Variants in TBCA observed in about 807,000 individuals in gnomAD.
TBCA encodes tubulin-specific chaperone A.
Under a neutral mutation model 15.8 loss-of-function variants are expected in TBCA, and 6 were observed. That is an observed-to-expected ratio of 0.38 (90% confidence interval 0.21 to 0.75). The LOEUF is 0.75. Among genes scored for constraint, TBCA ranks in the 30% least tolerant of loss-of-function variants. The pLI is 0.46. For missense variants in TBCA, 90 were observed against 131.2 expected, an observed-to-expected ratio of 0.69 and a Z score of 1.53; for synonymous variants, 32 against 42.3, an observed-to-expected ratio of 0.76 and a Z score of 0.94.
chr5:77,768,244 A>C (rs1241996853), intron 1 of TBCA, among the ~76,000 whole-genome samples: 1 of 152,230 alleles, frequency 6.6e-6, no homozygotes, highest in East Asian at 1.9e-4. Flanking sequence ...GCATTTATTG[A>C]ACATTTACTA....
chr5:77,761,586 G>A (rs1747641431), intron 1 of TBCA, among the ~76,000 whole-genome samples: 1 of 151,062 alleles, frequency 6.6e-6, no homozygotes, highest in Non-Finnish European at 1.5e-5. Context: ...ATTATCCTAT[G>A]ACCCTGCCAC....
intron 1 of TBCA, among the ~76,000 whole-genome samples, chr5:77,771,210 GAA>G (rs530810961): frequency 7.0e-6 from 1 of 142,012 alleles, no homozygotes. Context: ...TAGTCCTCAG[GAA>G]AAAAAAAAAA....
intron 1 of TBCA, among the ~76,000 whole-genome samples, chr5:77,747,720 GCTT>G (rs1436245995): frequency 1.3e-5 from 2 of 152,018 alleles, no homozygotes; most frequent in African/African-American, 2.4e-5. Flanking sequence ...AGTTTTTTCT[GCTT>G]CTTCTTATTC....
Position 77,757,190 on chromosome 5 carries a change from A to G in TBCA, c.53+19015T>C, listed in dbSNP as rs1365406514. Among the ~76,000 whole-genome samples, 6 of 152,274 alleles carry G rather than the reference A, an allele frequency of 3.9e-5. No homozygotes were observed. In the South Asian group the frequency reaches 1.0e-3, roughly 26 times the overall value. On this transcript the variant is annotated intron_variant, in intron 1 of 3. Transcript: ENST00000380377. ...CTGATGGGACAAAGACCAGAACAAC[A>G]ACAACAACAAAAAATCCAACAATAT...
At chr5:77,776,047 G>T (rs1748016530) in intron 1 of TBCA, among the ~76,000 whole-genome samples, 158 bp downstream of exon 1, 1 of 152,194 alleles carries the variant, frequency 6.6e-6, no homozygotes, top group Non-Finnish European at 1.5e-5. Flanking sequence ...AGCGCGCCCC[G>T]CTGGGTCCCT....
At chr5:77,713,905 T>C (rs1307291919) in intron 1 of TBCA, among the ~76,000 whole-genome samples, 1 of 150,730 alleles carries the variant, frequency 6.6e-6, no homozygotes, top group Non-Finnish European at 1.5e-5. Flanking sequence ...AAGTAAAGAT[T>C]TTTTTTTTAA....
intron 1 of TBCA, among the ~76,000 whole-genome samples, chr5:77,728,905 C>T (rs1332070937): frequency 6.6e-6 from 1 of 152,040 alleles, no homozygotes; most frequent in East Asian, 1.9e-4. Context: ...CTCAGGCTCA[C>T]AATCTGTGGG....
chr5:77,772,205 C>G (rs1747931328), intron 1 of TBCA, among the ~76,000 whole-genome samples: 2 of 151,980 alleles, frequency 1.3e-5, no homozygotes, highest in Admixed American at 6.6e-5. Flanking sequence ...ATCTTTTAGA[C>G]CCTTTTTATC....
At chr5:77,764,924 T>A (rs1004175918) in intron 1 of TBCA, among the ~76,000 whole-genome samples, 3 of 152,130 alleles carry the variant, frequency 2.0e-5, no homozygotes, top group Non-Finnish European at 4.4e-5. Context: ...TTATGTGAAT[T>A]ATCTCTATTA....
chr5:77,717,939 G>A (rs1746439725), intron 1 of TBCA, among the ~76,000 whole-genome samples: 2 of 151,632 alleles, frequency 1.3e-5, no homozygotes, highest in African/African-American at 4.9e-5. Context: ...AGACCAACCT[G>A]AACAACATGG....
intron 1 of TBCA, among the ~76,000 whole-genome samples, chr5:77,724,202 A>C (rs969393857): frequency 6.6e-6 from 1 of 152,086 alleles, no homozygotes; most frequent in Admixed American, 6.6e-5. Flanking sequence ...TTTTTGACTT[A>C]CCACTTTTAA....
At chr5:77,767,970 G>T (rs943608962) in intron 1 of TBCA, among the ~76,000 whole-genome samples, 7 of 152,132 alleles carry the variant, frequency 4.6e-5, no homozygotes, top group African/African-American at 1.4e-4. Context: ...TGGGATTAAG[G>T]CCCTTATAAA....
chr5:77,702,990 A>C (rs1323473007), intron 2 of TBCA, among the ~76,000 whole-genome samples: 1 of 152,168 alleles, frequency 6.6e-6, no homozygotes, highest in Non-Finnish European at 1.5e-5. Flanking sequence ...TGTTGACTGA[A>C]GCCTCCTAAT....
chr5:77,757,984 G>C (rs1212149837), intron 1 of TBCA, among the ~76,000 whole-genome samples: 2 of 152,144 alleles, frequency 1.3e-5, no homozygotes, highest in Non-Finnish European at 2.9e-5. Flanking sequence ...ATTCGACTGA[G>C]GGGTATAAGG....
chr5:77,703,589 T>C (rs1033797255), intron 2 of TBCA, among the ~76,000 whole-genome samples: 1 of 152,152 alleles, frequency 6.6e-6, no homozygotes, highest in Admixed American at 6.5e-5. Flanking sequence ...ATTTTATGTA[T>C]TTTTTGAGAC....
At chr5:77,756,291 T>C (rs570898760) in intron 1 of TBCA, among the ~76,000 whole-genome samples, 1 of 152,128 alleles carries the variant, frequency 6.6e-6, no homozygotes, top group South Asian at 2.1e-4. Context: ...AGCTCCTATA[T>C]GCATTTCCTA....
At chr5:77,763,212 C>T (rs1055927336) in intron 1 of TBCA, among the ~76,000 whole-genome samples, 3 of 152,010 alleles carry the variant, frequency 2.0e-5, no homozygotes, top group African/African-American at 7.3e-5. Context: ...CCACTGCACT[C>T]CTGCCTGGGC....
At position 77,776,295 on chromosome 5, in the gene TBCA, CG is replaced by C; in HGVS notation, c.-39del. On this transcript the variant is annotated 5_prime_UTR_variant, in exon 1 of 4. Coordinates refer to ENST00000380377, the MANE Select transcript of TBCA (RefSeq NM_004607.3). ...GCCGCGAGAAGGAGGGGCGGAGAGC[CG>C]GGGTAACCGTGGAGGGCGACGCGCA... The C allele has an allele frequency of 6.4e-7, 1 of 1,561,386 alleles. No homozygotes were observed. The highest frequency in any genetic ancestry group is 8.7e-7 in the Non-Finnish European group (1 of 1,153,734).
At chr5:77,695,666 T>C (rs1745856145) in intron 2 of TBCA, among the ~76,000 whole-genome samples, 1 of 152,234 alleles carries the variant, frequency 6.6e-6, no homozygotes, top group African/African-American at 2.4e-5. Flanking sequence ...CTTAATTAAA[T>C]GAATATTATC....
Sources: gnomAD v4.1 joint callset for allele counts (sites outside exome capture counted in the v4.1 genomes callset) on GRCh38, gnomAD v4.1.1 for gene constraint, MANE v1.5 for transcripts, NCBI Gene and HGNC (gene_info 2026-07-23, HGNC 2026-07-21) for gene names.